Variants in RBFOX1 observed in about 807,000 individuals in gnomAD.
RBFOX1 encodes the protein RNA binding protein fox-1 homolog 1.
A neutral mutation model predicts 57.7 loss-of-function variants in RBFOX1; 8 were observed. The ratio of observed to expected loss-of-function variants is 0.14; its 90% CI spans 0.08 to 0.25. The LOEUF (loss-of-function observed/expected upper bound fraction) is 0.25, where lower values mean the gene tolerates loss of function less well. Ranked by LOEUF, RBFOX1 falls within the 10% of genes least tolerant of loss-of-function variation. RBFOX1 has a pLI of 1.00. For synonymous variants in RBFOX1, 326 were observed against 222.4 expected (o/e 1.47, Z -4.15); for missense variants, 611 against 548.5 (o/e 1.11, Z -1.14).
chr16:6,981,474 G>A (rs1346583051), intron 3 of RBFOX1, among the ~76,000 whole-genome samples: 1 of 152,156 alleles, frequency 6.6e-6, no homozygotes, highest in Non-Finnish European at 1.5e-5. Context: ...ATAAACCACA[G>A]ATTCTTTATC....
intron 12 of RBFOX1, among the ~76,000 whole-genome samples, chr16:7,664,110 A>G (rs529077114): frequency 6.6e-6 from 1 of 152,372 alleles, no homozygotes; most frequent in South Asian, 2.1e-4. Context: ...AGATATTCAC[A>G]TGTATACACC....
At chr16:6,407,824 A>G (rs1262939665) in intron 2 of RBFOX1, among the ~76,000 whole-genome samples, 1 of 152,172 alleles carries the variant, frequency 6.6e-6, no homozygotes, top group East Asian at 1.9e-4. Flanking sequence ...CTCACGCAGC[A>G]TACATGGACC....
chr16:5,790,859 A>ATTTTTTTTTTTTTTTTTTTTTTTTTT (rs1157751312), intron 3 of RBFOX1, among the ~76,000 whole-genome samples: 1 of 112,960 alleles, frequency 8.9e-6, no homozygotes, highest in African/African-American at 3.4e-5. Context: ...GTGGGTCTTT[A>ATTTTTTTTTTTTTTTTTTTTTTTTTT]TTTTTTTTTT....
intron 2 of RBFOX1, among the ~76,000 whole-genome samples, chr16:6,404,752 T>A (rs1289922183): frequency 7.9e-5 from 12 of 152,230 alleles, no homozygotes; most frequent in East Asian, 1.9e-4. Flanking sequence ...CTCAGCTCCC[T>A]TATGAGAACT....
intron 1 of RBFOX1, among the ~76,000 whole-genome samples, chr16:6,265,865 C>A (rs965947880): frequency 6.6e-6 from 1 of 152,192 alleles, no homozygotes; most frequent in Admixed American, 6.5e-5. Context: ...CTCCTCCTCA[C>A]TTCTTGTACA....
chr16:6,767,958 A>ATAAT (rs1567165972), intron 3 of RBFOX1, among the ~76,000 whole-genome samples: 70 of 117,120 alleles, frequency 6.0e-4, no homozygotes, highest in African/African-American at 2.2e-3. Flanking sequence ...AAGAAGAAGA[A>ATAAT]GAAGAAGAAG....
At chr16:7,101,398 G>A (rs561608899) in intron 4 of RBFOX1, among the ~76,000 whole-genome samples, 1 of 152,200 alleles carries the variant, frequency 6.6e-6, no homozygotes, top group Non-Finnish European at 1.5e-5. Context: ...GAAACTCTTG[G>A]ATTTCGTTCC....
At chr16:6,804,353 C>T (rs1293093636) in intron 3 of RBFOX1, among the ~76,000 whole-genome samples, 8 of 152,092 alleles carry the variant, frequency 5.3e-5, no homozygotes, top group Non-Finnish European at 1.2e-4. Context: ...AAGACTTCTT[C>T]CTTCATGGAA....
At chr16:5,556,189 T>A (rs1193658219) in intron 2 of RBFOX1, among the ~76,000 whole-genome samples, 1 of 152,244 alleles carries the variant, frequency 6.6e-6, no homozygotes, top group Non-Finnish European at 1.5e-5. Flanking sequence ...TGCGGTTACA[T>A]ACATTCGGTC....
chr16:7,006,673 C>A (rs979014281), intron 3 of RBFOX1, among the ~76,000 whole-genome samples: 1 of 152,160 alleles, frequency 6.6e-6, no homozygotes, highest in Non-Finnish European at 1.5e-5. Flanking sequence ...ATCTTGAACT[C>A]CTGGACTCAA....
At chr16:6,340,066 C>G (rs1481267951) in intron 2 of RBFOX1, among the ~76,000 whole-genome samples, 1 of 152,136 alleles carries the variant, frequency 6.6e-6, no homozygotes. Flanking sequence ...AGGTTGGTAT[C>G]TAGTGACTTT....
At chr16:7,415,005 T>C (rs2098464926) in intron 4 of RBFOX1, among the ~76,000 whole-genome samples, 1 of 152,224 alleles carries the variant, frequency 6.6e-6, no homozygotes, top group African/African-American at 2.4e-5. Context: ...GGAGCTTATA[T>C]GATCACATAG....
At chr16:7,490,896 C>T (rs901406115) in intron 4 of RBFOX1, among the ~76,000 whole-genome samples, 5 of 152,174 alleles carry the variant, frequency 3.3e-5, no homozygotes, top group Middle Eastern at 3.2e-3. Context: ...GTGTCTTTAT[C>T]AGCCTAAGGA....
intron 3 of RBFOX1, among the ~76,000 whole-genome samples, chr16:7,019,813 C>A (rs1287262674): frequency 6.6e-6 from 1 of 152,174 alleles, no homozygotes; most frequent in Non-Finnish European, 1.5e-5. Context: ...CCCATTAATC[C>A]TGAACATATG....
intron 2 of RBFOX1, among the ~76,000 whole-genome samples, chr16:5,470,817 C>T (rs1217108189): frequency 6.6e-6 from 1 of 152,110 alleles, no homozygotes; most frequent in Non-Finnish European, 1.5e-5. Context: ...TCCCTGAAAG[C>T]ATCAGCATTT....
chr16:5,457,563 T>G (rs986113246), intron 1 of RBFOX1, among the ~76,000 whole-genome samples: 4 of 152,220 alleles, frequency 2.6e-5, no homozygotes, highest in African/African-American at 9.6e-5. Flanking sequence ...CTGAGGAATT[T>G]TGGGGCCACA....
intron 1 of RBFOX1, among the ~76,000 whole-genome samples, chr16:6,281,642 T>C (rs1182667388): frequency 6.6e-6 from 1 of 152,100 alleles, no homozygotes; most frequent in African/African-American, 2.4e-5. Context: ...GCGGTGGTGT[T>C]GGTAGTAACG....
At chr16:6,521,679 A>G (rs1441584952) in intron 2 of RBFOX1, among the ~76,000 whole-genome samples, 1 of 152,128 alleles carries the variant, frequency 6.6e-6, no homozygotes, top group South Asian at 2.1e-4. Flanking sequence ...GGCTAATTAT[A>G]GCCTTGTTTG....
chr16:6,735,580 C>G (rs1466812582), intron 3 of RBFOX1, among the ~76,000 whole-genome samples: 1 of 152,130 alleles, frequency 6.6e-6, no homozygotes, highest in Admixed American at 6.6e-5. Context: ...CTTGTATTTG[C>G]TTATGTCCCA....
Sources: allele counts gnomAD v4.1 joint callset (sites outside exome capture counted in the v4.1 genomes callset), GRCh38; gene constraint gnomAD v4.1.1; transcripts MANE v1.5; gene names NCBI Gene and HGNC (gene_info 2026-07-23, HGNC 2026-07-21).